The following UTRN variants were observed in gnomAD, a reference collection of about 807,000 sequenced individuals.
UTRN encodes utrophin.
Under a neutral mutation model 463.9 loss-of-function variants are expected in UTRN, and 283 were observed. The ratio of observed to expected loss-of-function variants is 0.61; its 90% CI spans 0.55 to 0.67. UTRN has a LOEUF of 0.67. Ranked by LOEUF, UTRN falls within the 30% of genes least tolerant of loss-of-function variation. The probability of loss-of-function intolerance (pLI) is 0.00; values close to 1 mark genes in which losing one functional copy is unlikely to be tolerated. For missense variants in UTRN, 3,922 were observed against 4,084.3 expected (o/e 0.96, Z 1.08); for synonymous variants, 1,442 against 1,431.5 (o/e 1.01, Z -0.17).
chr6:144,775,166 G>A (rs1315613920), intron 60 of UTRN, among the ~76,000 whole-genome samples: 1 of 152,160 alleles, frequency 6.6e-6, no homozygotes, highest in African/African-American at 2.4e-5. Flanking sequence ...GCAGTTCAGT[G>A]ATGCTTTGAA....
chr6:144,678,421 A>G lies in UTRN; in HGVS notation c.7495A>G (p.Ile2499Val). The change falls in exon 52 of 75, where the codon ATT becomes GTT. Residue 2499 changes from isoleucine to valine, a missense_variant. Transcript: ENST00000367545. ...TTCTGTTTAGGACATCCAGGCAGAA[A>G]TTGATGCCCACAATGACATATTTAA... ...KQQMQDIQAE[I>V]DAHNDIFKSI... The G allele has an allele frequency of 6.2e-7, 1 of 1,612,004 alleles. No homozygotes were observed. The highest frequency in any genetic ancestry group is 8.5e-7 in the Non-Finnish European group (1 of 1,178,734).
chr6:144,561,043 T>C (rs936645361), intron 50 of UTRN, among the ~76,000 whole-genome samples: 7 of 151,234 alleles, frequency 4.6e-5, no homozygotes, highest in Non-Finnish European at 1.0e-4. Context: ...CTTATCACTT[T>C]TTTTCCTTCC....
intron 58 of UTRN, among the ~76,000 whole-genome samples, chr6:144,770,772 T>C (rs1204268903): frequency 1.3e-5 from 2 of 152,138 alleles, no homozygotes; most frequent in East Asian, 3.8e-4. Context: ...AACAATTTAA[T>C]ACATATAGAA....
chr6:144,300,823 C>T (rs1205302444), intron 2 of UTRN, among the ~76,000 whole-genome samples: 1 of 152,146 alleles, frequency 6.6e-6, no homozygotes, highest in Admixed American at 6.5e-5. Context: ...TTATTTGAAA[C>T]TAAGAAACTG....
chr6:144,533,314 A>G (rs1194527267), intron 43 of UTRN, 54 bp downstream of exon 43: 4 of 1,576,962 alleles, frequency 2.5e-6, no homozygotes, highest in Non-Finnish European at 3.4e-6. Flanking sequence ...TTTGGATAGA[A>G]TCTTTTAAGA....
intron 3 of UTRN, among the ~76,000 whole-genome samples, chr6:144,409,858 A>G (rs1311456138): frequency 6.6e-6 from 1 of 152,224 alleles, no homozygotes; most frequent in Non-Finnish European, 1.5e-5. Flanking sequence ...TACAGAGAAA[A>G]CACAATTTAC....
chr6:144,656,355 T>G (rs955731120), intron 51 of UTRN, among the ~76,000 whole-genome samples: 5 of 152,212 alleles, frequency 3.3e-5, no homozygotes, highest in Non-Finnish European at 7.3e-5. Context: ...AAAAAAGGAC[T>G]GTAGAAATGT....
intron 25 of UTRN, among the ~76,000 whole-genome samples, chr6:144,475,716 A>G (rs1479232782): frequency 6.6e-6 from 1 of 152,066 alleles, no homozygotes; most frequent in Non-Finnish European, 1.5e-5. Context: ...CCTGGGCTCA[A>G]GCAGTCCTCC....
chr6:144,438,958 C>T, intron 12 of UTRN, 63 bp downstream of exon 12: 1 of 1,546,788 alleles, frequency 6.5e-7, no homozygotes, highest in Non-Finnish European at 8.9e-7. Context: ...CTTAGCATCT[C>T]AGAGGCTGAT....
At chr6:144,394,294 CAT>C (rs1163489266) in intron 2 of UTRN, among the ~76,000 whole-genome samples, 7 of 152,136 alleles carry the variant, frequency 4.6e-5, no homozygotes, top group African/African-American at 1.7e-4. Flanking sequence ...ATAACGGACT[CAT>C]AGTTCCACGT....
At chr6:144,592,579 C>A (rs1163913822) in intron 51 of UTRN, among the ~76,000 whole-genome samples, 2 of 152,072 alleles carry the variant, frequency 1.3e-5, no homozygotes, top group African/African-American at 2.4e-5. Context: ...CCATGTTGGC[C>A]ATGATAGTCT....
At chr6:144,474,784 A>G (rs1308160104) in intron 25 of UTRN, 25 bp downstream of exon 25, 1 of 1,607,526 alleles carries the variant, frequency 6.2e-7, no homozygotes, top group Non-Finnish European at 8.5e-7. Flanking sequence ...TTTACTACCT[A>G]CGGTTTTCAG....
intron 15 of UTRN, 41 bp from the exon 16 acceptor site, chr6:144,447,561 C>T (rs1347400858): frequency 6.3e-7 from 1 of 1,599,820 alleles, no homozygotes. Context: ...AAGACAAAGT[C>T]CTGTTAAAAA....
At chr6:144,785,683 A>G (rs887747332) in intron 61 of UTRN, among the ~76,000 whole-genome samples, 1 of 152,208 alleles carries the variant, frequency 6.6e-6, no homozygotes, top group Admixed American at 6.5e-5. Context: ...GTTGGCAGCT[A>G]CTTAACATTG....
chr6:144,389,842 G>T (rs149863523), intron 2 of UTRN, among the ~76,000 whole-genome samples: 1 of 152,100 alleles, frequency 6.6e-6, no homozygotes, highest in African/African-American at 2.4e-5. Context: ...CAGATGATCC[G>T]CCCATCCTGG....
intron 73 of UTRN, among the ~76,000 whole-genome samples, chr6:144,842,480 T>C (rs868220433): frequency 1.3e-5 from 2 of 152,012 alleles, no homozygotes; most frequent in Non-Finnish European, 2.9e-5. Context: ...TCCTACCTAC[T>C]TGGGAGGCTG....
At chr6:144,425,512 T>A (rs1785219448) in intron 6 of UTRN, among the ~76,000 whole-genome samples, 1 of 152,240 alleles carries the variant, frequency 6.6e-6, no homozygotes, top group Admixed American at 6.5e-5. Flanking sequence ...ATTATTATGA[T>A]GCTTGATAGA....
At chr6:144,483,471 C>T (rs972349100) in intron 27 of UTRN, among the ~76,000 whole-genome samples, 2 of 152,130 alleles carry the variant, frequency 1.3e-5, no homozygotes, top group African/African-American at 4.8e-5. Context: ...GAGACAGGGT[C>T]TTGCTCTGTC....
chr6:144,369,573 G>C (rs1779803895), intron 2 of UTRN, among the ~76,000 whole-genome samples: 1 of 152,172 alleles, frequency 6.6e-6, no homozygotes, highest in African/African-American at 2.4e-5. Flanking sequence ...CTGAGATCGT[G>C]CCACTGCACT....
Sources: gnomAD v4.1 joint callset for allele counts (sites outside exome capture counted in the v4.1 genomes callset) on GRCh38, gnomAD v4.1.1 for gene constraint, MANE v1.5 for transcripts, NCBI Gene and HGNC (gene_info 2026-07-23, HGNC 2026-07-21) for gene names.